PRLR: variants seen among roughly 807,000 people sequenced by gnomAD.
PRLR encodes hPRL receptor.
Under a neutral mutation model 40.2 loss-of-function variants are expected in PRLR, and 13 were observed. The observed-to-expected ratio is 0.32, with a 90% CI of 0.21 to 0.51. The LOEUF is 0.51. PRLR is among the 20% of genes least tolerant of loss of function. PRLR has a pLI of 0.97. For missense variants in PRLR, 656 were observed against 747.3 expected, an observed-to-expected ratio of 0.88 and a Z score of 1.42; for synonymous variants, 269 against 278.7, an observed-to-expected ratio of 0.97 and a Z score of 0.35.
At chr5:35,091,238 A>G (rs546321356) in intron 2 of PRLR, among the ~76,000 whole-genome samples, 35 of 152,152 alleles carry the variant, frequency 2.3e-4, no homozygotes, top group African/African-American at 7.9e-4. Flanking sequence ...ATTCCTTCCA[A>G]GCAAATGCCC....
intron 1 of PRLR, among the ~76,000 whole-genome samples, chr5:35,197,713 C>T (rs1163494586): frequency 6.6e-6 from 1 of 152,228 alleles, no homozygotes; most frequent in African/African-American, 2.4e-5. Flanking sequence ...GTGGCTGAGA[C>T]CCACTCCACA....
intron 2 of PRLR, among the ~76,000 whole-genome samples, chr5:35,108,064 T>C (rs1437038706): frequency 6.6e-6 from 1 of 152,152 alleles, no homozygotes; most frequent in Admixed American, 6.5e-5. Context: ...GCAAGGCTGG[T>C]CCAACATACA....
chr5:35,114,857 T>C (rs1772914523), intron 2 of PRLR, among the ~76,000 whole-genome samples: 2 of 152,182 alleles, frequency 1.3e-5, no homozygotes, highest in South Asian at 4.1e-4. Context: ...GTGCGGCAGA[T>C]GCATGTTTGC....
At chr5:35,120,089 G>A (rs1473756587) in intron 1 of PRLR, among the ~76,000 whole-genome samples, 1 of 152,030 alleles carries the variant, frequency 6.6e-6, no homozygotes, top group East Asian at 1.9e-4. Context: ...TGACTCCTGT[G>A]CCCTCCAGCT....
At chr5:35,156,773 G>A (rs1345451867) in intron 1 of PRLR, among the ~76,000 whole-genome samples, 1 of 152,090 alleles carries the variant, frequency 6.6e-6, no homozygotes. Flanking sequence ...GGTTGGAAGG[G>A]ATCTCTCTCC....
In PRLR at chr5:35,070,166, A is replaced by G; in HGVS notation, c.643T>C (p.Trp215Arg). Residue 215 changes from tryptophan to arginine, a missense_variant, in exon 7 of 10, where the codon TGG becomes CGG. Coordinates refer to ENST00000618457, the MANE Select transcript of PRLR (RefSeq NM_000949.7). ...QVRCKPDHGY[W>R]SAWSPATFIQ... ...AAGGTCGCTGGACTCCATGCACTCC[A>G]GTATCCATGGTCTGGTTTGCAGCGA... 1 of 1,614,148 alleles carries G rather than the reference A, an allele frequency of 6.2e-7. No homozygotes were observed. Among genetic ancestry groups the G allele is most frequent in the Non-Finnish European group, 8.5e-7 (1 of 1,180,018 alleles).
At position 35,065,819 on chromosome 5, in the gene PRLR, A is replaced by T; in HGVS notation, c.1139T>A (p.Ile380Asn). The T allele has an allele frequency of 1.2e-6, 2 of 1,614,120 alleles. No individual in the cohort carries two copies. The highest frequency in any genetic ancestry group is 1.7e-6 in the Non-Finnish European group (2 of 1,180,026). ...NPSTFYDPEV[I>N]EKPENPETTH... ...TGTTTCAGGATTCTCTGGCTTCTCA[A>T]TGACCTCAGGATCATAGAATGTGGA... Residue 380 changes from isoleucine (I) to asparagine (N), a missense_variant, in exon 10 of 10, where the codon ATT becomes AAT. Physicochemically the swap from Ile to Asn is moderately radical, Grantham distance 149. Coordinates refer to ENST00000618457, the MANE Select transcript of PRLR (RefSeq NM_000949.7).
intron 2 of PRLR, among the ~76,000 whole-genome samples, chr5:35,104,589 G>A (rs889059264): frequency 2.0e-5 from 3 of 152,116 alleles, no homozygotes; most frequent in Admixed American, 6.5e-5. Flanking sequence ...CCCCTGACTC[G>A]GAGGGTCCTA....
At position 35,061,928 on chromosome 5, in the gene PRLR, A is replaced by G. The variant is rs1040147284; in HGVS notation, c.*3161T>C. On this transcript the variant is annotated 3_prime_UTR_variant, in exon 10 of 10. Coordinates refer to ENST00000618457, the MANE Select transcript of PRLR (RefSeq NM_000949.7). ...GCAAGGAATGAGCATGGCTTGATTC[A>G]GTAAAAGATCATTTTTCTAAAGATT... 6.6e-6 allele frequency: 1 copy of G among 152,210 alleles called. No homozygotes were observed. Among genetic ancestry groups the G allele is most frequent in the Non-Finnish European group, 1.5e-5 (1 of 68,036 alleles). The allele number at this position is 152,210 out of a possible 1,614,324, so 9.4% of individuals were successfully genotyped here.
chr5:35,128,170 A>T (rs1403831656), intron 1 of PRLR, among the ~76,000 whole-genome samples: 2 of 151,806 alleles, frequency 1.3e-5, no homozygotes, highest in Non-Finnish European at 2.9e-5. Flanking sequence ...GTTGAGGAGC[A>T]TCTGTATACT....
exon 9 of PRLR, chr5:35,049,195 A>C (rs1347724350): frequency 1.4e-6 from 1 of 701,034 alleles, no homozygotes; most frequent in African/African-American, 1.7e-5. Context: ...CAGTGGACAC[A>C]CAGCATCTCC....
chr5:35,065,682 G>A lies in PRLR; in HGVS notation c.1276C>T (p.Pro426Ser). Residue 426 changes from proline to serine, a missense_variant, in exon 10 of 10, where the codon CCC (proline) becomes TCC (serine). Physicochemically the swap from Pro to Ser is moderately conservative, Grantham distance 74. This residue lies in a region of PRLR where 469 missense variants were observed against 491.5 expected (regional missense o/e 0.95). Coordinates refer to ENST00000618457, the MANE Select transcript of PRLR (RefSeq NM_000949.7). ...GTAATATTGTGGTAAGAGGATCTGG[G>A]GTTGTGCTGGCTGGGCTGTGGTAAG... ...WPLPQPSQHN[P>S]RSSYHNITDV... The A allele has an allele frequency of 6.2e-7, 1 of 1,614,156 alleles. No individual in the cohort carries two copies. Among genetic ancestry groups the A allele is most frequent in the Non-Finnish European group, 8.5e-7 (1 of 1,180,020 alleles).
intron 5 of PRLR, among the ~76,000 whole-genome samples, chr5:35,082,415 C>T (rs80180294): frequency 0.023 from 3,439 of 152,298 alleles, 51 homozygotes; most frequent in Middle Eastern, 0.11. Flanking sequence ...CTCAGCACTA[C>T]TTGCATTTTG....
chr5:35,097,357 G>A (rs943491138), intron 2 of PRLR, among the ~76,000 whole-genome samples: 1 of 152,192 alleles, frequency 6.6e-6, no homozygotes, highest in African/African-American at 2.4e-5. Flanking sequence ...AGAAGCCTGA[G>A]GTGTAGGTAT....
At chr5:35,073,859 C>T (rs2112409532) in intron 5 of PRLR, among the ~76,000 whole-genome samples, 1 of 152,232 alleles carries the variant, frequency 6.6e-6, no homozygotes, top group Non-Finnish European at 1.5e-5. Flanking sequence ...TTCACATGTA[C>T]TAGCATGGCA....
intron 1 of PRLR, among the ~76,000 whole-genome samples, chr5:35,188,253 C>T (rs1318284109): frequency 1.3e-5 from 2 of 152,200 alleles, no homozygotes; most frequent in African/African-American, 4.8e-5. Context: ...TCATTTTGGG[C>T]CATCTGATTT....
rs1769892643 is a variant in PRLR at position 35,073,701 on chromosome 5, G to A, written c.374-957C>T. ...ACATTGCGTTTGATGTCAGGTGCTG[G>A]AGAGCAGGCCTGGGATTAGGCTGAC... On this transcript the variant is annotated intron_variant, in intron 5 of 9. Coordinates refer to ENST00000618457, the MANE Select transcript of PRLR (RefSeq NM_000949.7). 2.0e-5 allele frequency among the ~76,000 whole-genome samples: 3 copies of A among 152,284 alleles called. No individual in the cohort carries two copies. In the South Asian group the frequency reaches 6.2e-4, roughly 32 times the overall value.
intron 1 of PRLR, among the ~76,000 whole-genome samples, chr5:35,148,900 T>C (rs1774261566): frequency 6.6e-6 from 1 of 151,884 alleles, no homozygotes; most frequent in Non-Finnish European, 1.5e-5. Context: ...TTCTAAGGGG[T>C]CTTGGAAGTA....
At chr5:35,068,751 G>T in intron 8 of PRLR, 28 bp downstream of exon 8, 1 of 1,479,378 alleles carries the variant, frequency 6.8e-7, no homozygotes, top group Non-Finnish European at 9.4e-7. Context: ...TCATGATTGG[G>T]AGGAAAAGTT....
Sources: allele counts gnomAD v4.1 joint callset (sites outside exome capture counted in the v4.1 genomes callset), GRCh38; gene constraint gnomAD v4.1.1; regional missense constraint gnomAD v4.1.1; transcripts MANE v1.5; gene names NCBI Gene and HGNC (gene_info 2026-07-23, HGNC 2026-07-21).